Variants in KCNIP4 observed in about 807,000 individuals in gnomAD.
KCNIP4 encodes the protein Kv channel-interacting protein 4.
A neutral mutation model predicts 34.0 loss-of-function variants in KCNIP4; 12 were observed. That is an observed-to-expected ratio of 0.35 (90% CI 0.23 to 0.57). KCNIP4 has a LOEUF of 0.57. KCNIP4 is among the 20% of genes least tolerant of loss of function. The pLI, the probability that KCNIP4 is intolerant of heterozygous loss-of-function variation, is 0.83. For missense variants in KCNIP4, 238 were observed against 311.7 expected (o/e 0.76, Z 1.78); for synonymous variants, 124 against 102.2 (o/e 1.21, Z -1.29).
chr4:21,735,416 T>C (rs1715918060), intron 1 of KCNIP4, among the ~76,000 whole-genome samples: 1 of 152,190 alleles, frequency 6.6e-6, no homozygotes, highest in Admixed American at 6.6e-5. Flanking sequence ...TATTTTACTA[T>C]GGCATAATAG....
intron 1 of KCNIP4, among the ~76,000 whole-genome samples, chr4:21,454,091 C>T (rs1728730930): frequency 6.6e-6 from 1 of 152,044 alleles, no homozygotes; most frequent in Non-Finnish European, 1.5e-5. Flanking sequence ...TACACTTTGT[C>T]AATATGGTCC....
At chr4:21,604,543 C>T (rs1359964930) in intron 1 of KCNIP4, among the ~76,000 whole-genome samples, 2 of 152,000 alleles carry the variant, frequency 1.3e-5, no homozygotes, top group Admixed American at 1.3e-4. Flanking sequence ...AAATGGCAAG[C>T]ATAAATGGGA....
chr4:21,209,611 C>CTATGTATT (rs1560176174), intron 1 of KCNIP4, among the ~76,000 whole-genome samples: 13 of 151,200 alleles, frequency 8.6e-5, no homozygotes, highest in African/African-American at 3.1e-4. Flanking sequence ...ATCTATCTAT[C>CTATGTATT]TATCTATTTA....
intron 5 of KCNIP4, among the ~76,000 whole-genome samples, chr4:20,735,422 A>G (rs1198987527): frequency 1.3e-5 from 2 of 151,950 alleles, no homozygotes; most frequent in African/African-American, 2.4e-5. Context: ...GACATTGGCT[A>G]TGTAAGTTTT....
rs192991057 is a variant in KCNIP4 at position 21,912,581 on chromosome 4, T to A, written c.61+35990A>T. ...TACTGGAAGGGGTAGGGCTCAACAG[T>A]GAGGCGTCTATGAAGGTTTCCCCAG... On this transcript the variant is annotated intron_variant, in intron 1 of 8. Transcript: ENST00000382152. Among the ~76,000 whole-genome samples the A allele has an allele frequency of 9.7e-4, 148 of 152,090 alleles. 1 individual carries two copies. Among genetic ancestry groups the A allele is most frequent in the Middle Eastern group, 6.8e-3 (2 of 294 alleles).
At chr4:20,858,053 T>C (rs1485096050) in intron 2 of KCNIP4, among the ~76,000 whole-genome samples, 2 of 151,272 alleles carry the variant, frequency 1.3e-5, no homozygotes, top group African/African-American at 4.9e-5. Flanking sequence ...CTACTAAAAA[T>C]ACAAAAAATT....
intron 1 of KCNIP4, among the ~76,000 whole-genome samples, chr4:21,568,887 C>T (rs930277607): frequency 1.3e-5 from 2 of 151,988 alleles, no homozygotes; most frequent in Non-Finnish European, 2.9e-5. Flanking sequence ...AGTTGTGTCC[C>T]TTTAGAGAAC....
intron 1 of KCNIP4, among the ~76,000 whole-genome samples, chr4:21,616,114 T>G (rs527396737): frequency 2.0e-5 from 3 of 152,178 alleles, no homozygotes; most frequent in Non-Finnish European, 4.4e-5. Flanking sequence ...GTCACTGCCC[T>G]TGTCTCAGCT....
chr4:20,946,796 A>G (rs1732240444), intron 1 of KCNIP4, among the ~76,000 whole-genome samples: 1 of 152,130 alleles, frequency 6.6e-6, no homozygotes, highest in Non-Finnish European at 1.5e-5. Flanking sequence ...TTCCAATCTA[A>G]TAAAATGCAG....
intron 1 of KCNIP4, among the ~76,000 whole-genome samples, chr4:21,116,017 C>T (rs1749644224): frequency 6.6e-6 from 1 of 152,180 alleles, no homozygotes; most frequent in Non-Finnish European, 1.5e-5. Flanking sequence ...GCGATGGTTT[C>T]GGAATACTTC....
chr4:21,877,816 G>T (rs1460093941), intron 1 of KCNIP4, among the ~76,000 whole-genome samples: 1 of 152,102 alleles, frequency 6.6e-6, no homozygotes, highest in Non-Finnish European at 1.5e-5. Context: ...ATATCTCTTA[G>T]ATATTAAATC....
chr4:21,839,552 G>A (rs1004204914), intron 1 of KCNIP4, among the ~76,000 whole-genome samples: 2 of 152,102 alleles, frequency 1.3e-5, no homozygotes, highest in African/African-American at 2.4e-5. Flanking sequence ...TTAGAAGTTC[G>A]AGACCAGCCT....
intron 1 of KCNIP4, among the ~76,000 whole-genome samples, chr4:21,482,810 G>C (rs564367763): frequency 3.3e-5 from 5 of 151,934 alleles, no homozygotes; most frequent in Non-Finnish European, 7.4e-5. Context: ...TCTTCTCGAG[G>C]AGTATCTTTG....
intron 1 of KCNIP4, among the ~76,000 whole-genome samples, chr4:21,095,430 G>A (rs757997792): frequency 1.1e-4 from 17 of 151,832 alleles, no homozygotes; most frequent in African/African-American, 3.4e-4. Context: ...TTTTTTGCCC[G>A]TCTCATTCTT....
intron 1 of KCNIP4, among the ~76,000 whole-genome samples, chr4:21,758,017 A>T (rs143284626): frequency 6.6e-6 from 1 of 152,328 alleles, no homozygotes; most frequent in African/African-American, 2.4e-5. Flanking sequence ...TATGACAATA[A>T]GACCAACTCC....
intron 1 of KCNIP4, among the ~76,000 whole-genome samples, chr4:21,331,372 A>T (rs1715621424): frequency 6.6e-6 from 1 of 152,036 alleles, no homozygotes; most frequent in Non-Finnish European, 1.5e-5. Context: ...TTGCAAACAC[A>T]TAAACACATA....
At chr4:21,722,143 GA>G (rs1206622028) in intron 1 of KCNIP4, among the ~76,000 whole-genome samples, 1 of 152,090 alleles carries the variant, frequency 6.6e-6, no homozygotes, top group Non-Finnish European at 1.5e-5. Flanking sequence ...GTACAAACAA[GA>G]ACTATTTTAT....
At chr4:20,967,592 A>G (rs1227393191) in intron 1 of KCNIP4, among the ~76,000 whole-genome samples, 1 of 152,170 alleles carries the variant, frequency 6.6e-6, no homozygotes, top group Non-Finnish European at 1.5e-5. Flanking sequence ...ATATAGACCA[A>G]TGAAACAGAG....
intron 1 of KCNIP4, among the ~76,000 whole-genome samples, chr4:21,888,074 T>A (rs761329172): frequency 6.6e-6 from 1 of 152,158 alleles, no homozygotes; most frequent in African/African-American, 2.4e-5. Flanking sequence ...TTATGACTTA[T>A]GTATTATTAG....
Sources: gnomAD v4.1 joint callset for allele counts (sites outside exome capture counted in the v4.1 genomes callset) on GRCh38, gnomAD v4.1.1 for gene constraint, MANE v1.5 for transcripts, NCBI Gene and HGNC (gene_info 2026-07-23, HGNC 2026-07-21) for gene names.